The following PAX2 variants were observed in gnomAD, a reference collection of about 807,000 sequenced individuals.
PAX2 encodes the protein paired box 2, also known as paired box protein Pax-2.
Under a neutral mutation model 41.7 loss-of-function variants are expected in PAX2, and 9 were observed. The ratio of observed to expected loss-of-function variants is 0.22; its 90% CI spans 0.13 to 0.38. PAX2 has a LOEUF of 0.38. Ranked by LOEUF, PAX2 falls within the 10% of genes least tolerant of loss-of-function variation. The pLI is 1.00. For missense variants in PAX2, 418 were observed against 531.6 expected (o/e 0.79, Z 2.10); for synonymous variants, 221 against 212.7 (o/e 1.04, Z -0.34).
At chr10:100,756,424 A>G (rs925488379) in intron 3 of PAX2, among the ~76,000 whole-genome samples, 9 of 152,246 alleles carry the variant, frequency 5.9e-5, no homozygotes, top group African/African-American at 1.7e-4. Context: ...AAAAGTGACA[A>G]GCATCCAGTA....
intron 7 of PAX2, among the ~76,000 whole-genome samples, chr10:100,817,172 A>T (rs1848215851): frequency 6.6e-6 from 1 of 152,108 alleles, no homozygotes; most frequent in South Asian, 2.1e-4. Context: ...TGATTTGCTC[A>T]TGGAGCCAGA....
At position 100,765,036 on chromosome 10, in the gene PAX2, T is replaced by C. The variant is rs548628513; in HGVS notation, c.410+14145T>C. On this transcript the variant is annotated intron_variant, in intron 3 of 9. Coordinates refer to ENST00000355243, the MANE Select transcript of PAX2 (RefSeq NM_000278.5). ...ACTTAACAAATTCAAATGAAATCTG[T>C]CTATTCTTGTCTGGCATGTCTGGAT... Among the ~76,000 whole-genome samples, 887 of 152,274 alleles carry C rather than the reference T, an allele frequency of 5.8e-3. 5 individuals are homozygous for C. Among genetic ancestry groups the C allele is most frequent in the African/African-American group, 0.02 (841 of 41,544 alleles).
At position 100,827,676 on chromosome 10, in the gene PAX2, C is replaced by A; in HGVS notation, c.*57C>A. 6.2e-7 allele frequency: 1 copy of A among 1,613,270 alleles called. No homozygotes were observed. Among genetic ancestry groups the A allele is most frequent in the South Asian group, 1.1e-5 (1 of 91,046 alleles). The stretch of plus-strand genomic sequence containing the variant: ...GACAGCTTCGGCCTCCACATCGTCC[C>A]CGTCTGACCCCACCCCGGAGGGAGG... On this transcript the variant is annotated 3_prime_UTR_variant, in exon 10 of 10. Coordinates refer to ENST00000355243, the MANE Select transcript of PAX2 (RefSeq NM_000278.5). The surrounding 1 kb of genome is among the most constrained non-coding windows in gnomAD (Gnocchi z 8.5).
rs553460831 is a variant in PAX2 at position 100,807,262 on chromosome 10, T to C, written c.792+657T>C. ...GAACTTTTCTATGTGCTGGTGTGCATGTGCTCACACTCCACCATCCACCTG... is the reference window on the plus strand; with the variant it reads ...GAACTTTTCTATGTGCTGGTGTGCACGTGCTCACACTCCACCATCCACCTG... On this transcript the variant is annotated intron_variant, in intron 6 of 9. Transcript: ENST00000355243. 1.8e-4 allele frequency among the ~76,000 whole-genome samples: 27 copies of C among 152,216 alleles called. No homozygotes were observed. The South Asian group carries it at 5.2e-3, about 29-fold the overall frequency.
chr10:100,749,492 C>T (rs913504659), intron 1 of PAX2: 4 of 1,327,344 alleles, frequency 3.0e-6, no homozygotes, highest in Non-Finnish European at 3.8e-6. Flanking sequence ...CTCCAGTCCC[C>T]CCTTTGCTTT....
chr10:100,829,715 GGGGCGGCGA>G lies in PAX2; in HGVS notation c.*2111_*2119del, dbSNP rs892994613. 4.0e-5 allele frequency: 8 copies of G among 202,200 alleles called. No homozygotes were observed. The highest frequency in any genetic ancestry group is 1.9e-4 in the South Asian group (1 of 5,270). 12.5% of individuals were successfully genotyped at this position (202,200 alleles called of 1,614,324 possible). A position where few individuals can be genotyped will look rare whatever the true frequency, so the allele number is the denominator to read the frequency against. ...CCAGCCAGGCTCCAGTGGCCCGAAC[GGGGCGGCGA>G]GGGCGGCGAGGGCGCCGAGGTCCGG... On this transcript the variant is annotated 3_prime_UTR_variant, in exon 10 of 10. Transcript: ENST00000355243.
intron 3 of PAX2, among the ~76,000 whole-genome samples, chr10:100,778,155 CTATG>C (rs749500567): frequency 1.3e-5 from 2 of 152,224 alleles, no homozygotes; most frequent in Non-Finnish European, 2.9e-5. Flanking sequence ...GAGACCAAGG[CTATG>C]TGGCTTCTTA....
chr10:100,749,057 T>G, intron 1 of PAX2: 2 of 985,416 alleles, frequency 2.0e-6, no homozygotes, highest in South Asian at 4.7e-5. Flanking sequence ...CTTGCTCTAC[T>G]TCAGATACTA....
rs972232207 is a variant in PAX2 at position 100,779,394 on chromosome 10, A to G, written c.411-104A>G. On this transcript the variant is annotated intron_variant, in intron 3 of 9. Transcript: ENST00000355243. ...ACACAGGGAGCAGATGGATGAGGAAATCGCTGAGGAACTTGGGAGAGAGCC... is the reference window on the plus strand; with the variant it reads ...ACACAGGGAGCAGATGGATGAGGAAGTCGCTGAGGAACTTGGGAGAGAGCC... 3 of 955,848 alleles carry G rather than the reference A, an allele frequency of 3.1e-6. No individual in the cohort carries two copies. The African/African-American group carries it at 4.9e-5, about 15-fold the overall frequency. The allele number at this position is 955,848 out of a possible 1,614,324, so 59.2% of individuals were successfully genotyped here.
intron 5 of PAX2, among the ~76,000 whole-genome samples, chr10:100,795,530 T>C (rs931847409): frequency 6.6e-6 from 1 of 152,234 alleles, no homozygotes; most frequent in African/African-American, 2.4e-5. Context: ...TTTTTGTGAG[T>C]GCGTGCAAGC....
At chr10:100,809,523 C>T (rs1443830631) in intron 7 of PAX2, among the ~76,000 whole-genome samples, 1 of 152,222 alleles carries the variant, frequency 6.6e-6, no homozygotes, top group African/African-American at 2.4e-5. Context: ...TTTCTCTTCC[C>T]TCTCCCAAGT....
intron 5 of PAX2, among the ~76,000 whole-genome samples, chr10:100,797,687 A>G (rs887798272): frequency 1.3e-5 from 2 of 152,224 alleles, no homozygotes; most frequent in Non-Finnish European, 2.9e-5. Context: ...GTTTGGATAG[A>G]TGGCTGTTAG....
intron 3 of PAX2, among the ~76,000 whole-genome samples, chr10:100,778,316 C>G (rs1846474902): frequency 6.6e-6 from 1 of 152,218 alleles, no homozygotes; most frequent in East Asian, 1.9e-4. Flanking sequence ...CCGCAGTTCC[C>G]TCTCCTGCAA....
At chr10:100,819,247 C>CAA (rs869171435) in intron 7 of PAX2, among the ~76,000 whole-genome samples, 3 of 106,862 alleles carry the variant, frequency 2.8e-5, no homozygotes, top group African/African-American at 3.3e-5. Flanking sequence ...GACTCTGTCT[C>CAA]AAAAAAAAAA....
intron 3 of PAX2, among the ~76,000 whole-genome samples, chr10:100,768,810 A>G (rs560119522): frequency 6.6e-6 from 1 of 152,186 alleles, no homozygotes; most frequent in Non-Finnish European, 1.5e-5. Flanking sequence ...CCAAACAAAC[A>G]ATTTCTGGCT....
chr10:100,765,145 G>A (rs1048647350), intron 3 of PAX2, among the ~76,000 whole-genome samples: 1 of 152,120 alleles, frequency 6.6e-6, no homozygotes, highest in African/African-American at 2.4e-5. Flanking sequence ...AAAAATTTCA[G>A]GAAAAAATTA....
At chr10:100,800,489 G>T (rs138677724) in intron 5 of PAX2, among the ~76,000 whole-genome samples, 1 of 151,978 alleles carries the variant, frequency 6.6e-6, no homozygotes, top group East Asian at 1.9e-4. Flanking sequence ...TGCCCAGGCT[G>T]GTCTCACACT....
chr10:100,779,390 G>A, intron 3 of PAX2, 108 bp from the exon 4 acceptor site: 1 of 932,714 alleles, frequency 1.1e-6, no homozygotes, highest in Non-Finnish European at 1.7e-6. Flanking sequence ...AGATGGATGA[G>A]GAAATCGCTG....
In PAX2 at chr10:100,806,553, G is replaced by A. The variant is rs747639879; in HGVS notation, c.740G>A (p.Arg247His). 15 of 1,614,062 alleles carry A rather than the reference G, an allele frequency of 9.3e-6. No individual in the cohort carries two copies. Among genetic ancestry groups the A allele is most frequent in the Middle Eastern group, 1.6e-4 (1 of 6,084 alleles). The change falls in exon 6 of 10, where the codon CGT becomes CAT. Residue 247 changes from arginine (R) to histidine (H), a missense_variant. By Grantham distance (29) the Arg-to-His change is conservative. Around this residue, in one of 2 missense-constraint regions of PAX2, gnomAD observed 310 missense variants for 325.2 expected, o/e 0.95. Transcript: ENST00000355243. ...QLEALDRVFERPSYPDVFQAS... is the reference protein window; with the variant it reads ...QLEALDRVFEHPSYPDVFQAS... ...GAAGCTTTGGATCGGGTCTTTGAGC[G>A]TCCTTCCTACCCTGACGTCTTCCAG...
Sources: allele counts gnomAD v4.1 joint callset (sites outside exome capture counted in the v4.1 genomes callset), GRCh38; gene constraint gnomAD v4.1.1; regional missense constraint gnomAD v4.1.1; non-coding constraint Gnocchi (gnomAD v3.1); transcripts MANE v1.5; gene names NCBI Gene and HGNC (gene_info 2026-07-23, HGNC 2026-07-21).